Variants in CADPS observed in about 807,000 individuals in gnomAD.
CADPS encodes calcium-dependent secretion activator 1.
In CADPS, 57 loss-of-function variants were observed where a neutral mutation model predicts 167.3. That is an observed-to-expected ratio of 0.34 (90% CI 0.28 to 0.42). The LOEUF (loss-of-function observed/expected upper bound fraction) is 0.42. CADPS is among the 20% of genes least tolerant of loss of function. The pLI, the probability that CADPS is intolerant of heterozygous loss-of-function variation, is 1.00. For missense variants in CADPS, 1,414 were observed against 1,738.1 expected, an observed-to-expected ratio of 0.81 and a Z score of 3.32; for synonymous variants, 676 against 635.3, an observed-to-expected ratio of 1.06 and a Z score of -0.96.
intron 3 of CADPS, among the ~76,000 whole-genome samples, chr3:62,687,767 G>T (rs1044360149): frequency 8.9e-6 from 1 of 112,348 alleles, no homozygotes; most frequent in Non-Finnish European, 1.8e-5. Flanking sequence ...CTATCTTAAC[G>T]CTTGCTTCTA....
chr3:62,692,340 C>G (rs987744339), intron 3 of CADPS, among the ~76,000 whole-genome samples: 1 of 151,410 alleles, frequency 6.6e-6, no homozygotes, highest in Admixed American at 6.6e-5. Context: ...TGAAAGGAAC[C>G]ATTTAGTCCA....
chr3:62,599,620 AT>A (rs1343064327), intron 6 of CADPS, among the ~76,000 whole-genome samples: 2 of 47,492 alleles, frequency 4.2e-5, no homozygotes, highest in African/African-American at 7.7e-5. Flanking sequence ...ATTATATATA[AT>A]ATATAATATA....
intron 1 of CADPS, among the ~76,000 whole-genome samples, chr3:62,873,999 G>A (rs1417909448): frequency 6.6e-6 from 1 of 152,200 alleles, no homozygotes; most frequent in East Asian, 1.9e-4. Flanking sequence ...GGGAGAGGAG[G>A]GTGCCCTTCG....
At chr3:62,793,727 A>T (rs2093150333) in intron 1 of CADPS, among the ~76,000 whole-genome samples, 1 of 152,132 alleles carries the variant, frequency 6.6e-6, no homozygotes, top group South Asian at 2.1e-4. Flanking sequence ...AATTGAAACC[A>T]TCCTGAGCAT....
At chr3:62,522,331 G>A (rs1453949573) in intron 13 of CADPS, among the ~76,000 whole-genome samples, 1 of 152,052 alleles carries the variant, frequency 6.6e-6, no homozygotes, top group Non-Finnish European at 1.5e-5. Context: ...CAGACACAAG[G>A]TCTCATTATG....
At chr3:62,417,248 T>G (rs2050242560) in intron 28 of CADPS, among the ~76,000 whole-genome samples, 1 of 151,308 alleles carries the variant, frequency 6.6e-6, no homozygotes, top group African/African-American at 2.4e-5. Context: ...CCAAATGTAC[T>G]TAACACAATA....
intron 29 of CADPS, 22 bp downstream of exon 29, chr3:62,403,059 G>C (rs373772570): frequency 6.9e-7 from 1 of 1,440,308 alleles, no homozygotes; most frequent in African/African-American, 1.4e-5. Flanking sequence ...TTGCAAAGAA[G>C]AATAATAATC....
chr3:62,865,654 ATTTTC>A (rs1022614658), intron 1 of CADPS, among the ~76,000 whole-genome samples: 1 of 152,122 alleles, frequency 6.6e-6, no homozygotes, highest in Admixed American at 6.6e-5. Flanking sequence ...AGCAAAAATA[ATTTTC>A]TTTGACTAGT....
chr3:62,714,587 A>T (rs2084051641), intron 3 of CADPS, among the ~76,000 whole-genome samples: 1 of 152,208 alleles, frequency 6.6e-6, no homozygotes, highest in South Asian at 2.1e-4. Flanking sequence ...GCCTGCCTGC[A>T]AAGTATCAGG....
intron 18 of CADPS, among the ~76,000 whole-genome samples, chr3:62,496,674 G>C (rs1416589312): frequency 1.3e-5 from 2 of 152,190 alleles, no homozygotes. Flanking sequence ...CAGGATGAGA[G>C]AAGTTATACT....
At chr3:62,869,734 C>T (rs2082290529) in intron 1 of CADPS, among the ~76,000 whole-genome samples, 1 of 152,174 alleles carries the variant, frequency 6.6e-6, no homozygotes, top group Non-Finnish European at 1.5e-5. Context: ...CCAATTTCTT[C>T]TGCCATCAAG....
At chr3:62,863,229 T>A (rs2081122937) in intron 1 of CADPS, among the ~76,000 whole-genome samples, 1 of 152,290 alleles carries the variant, frequency 6.6e-6, no homozygotes, top group Non-Finnish European at 1.5e-5. Context: ...CATGGTTAAG[T>A]GTGAAGGCTG....
chr3:62,855,203 C>T (rs769279247), intron 1 of CADPS, among the ~76,000 whole-genome samples: 2 of 151,146 alleles, frequency 1.3e-5, no homozygotes, highest in Non-Finnish European at 2.9e-5. Context: ...CTTCGGCCTC[C>T]CAAAGTGCTG....
intron 9 of CADPS, among the ~76,000 whole-genome samples, chr3:62,559,668 A>G (rs188802734): frequency 6.6e-6 from 1 of 151,816 alleles, no homozygotes; most frequent in African/African-American, 2.4e-5. Flanking sequence ...CTAATTTTGT[A>G]TTTTTAGTAG....
intron 8 of CADPS, among the ~76,000 whole-genome samples, chr3:62,574,002 T>C (rs1482681681): frequency 1.3e-5 from 2 of 152,242 alleles, no homozygotes; most frequent in Admixed American, 1.3e-4. Context: ...TAAAGATTTC[T>C]GATGAGATTT....
intron 1 of CADPS, among the ~76,000 whole-genome samples, chr3:62,773,556 A>G (rs1337796325): frequency 3.3e-5 from 5 of 152,164 alleles, no homozygotes; most frequent in Admixed American, 6.5e-5. Flanking sequence ...TAATAATTCA[A>G]TTATTTAAGT....
intron 28 of CADPS, among the ~76,000 whole-genome samples, chr3:62,431,580 A>C (rs2053959988): frequency 6.6e-6 from 1 of 151,582 alleles, no homozygotes; most frequent in African/African-American, 2.4e-5. Flanking sequence ...AGATAGTAAT[A>C]AACTCCTCCA....
intron 1 of CADPS, among the ~76,000 whole-genome samples, chr3:62,776,236 A>G (rs1303989954): frequency 2.0e-5 from 3 of 152,206 alleles, no homozygotes; most frequent in Non-Finnish European, 2.9e-5. Flanking sequence ...GCATGAGAAT[A>G]TAATAGGCAG....
chr3:62,701,972 C>G (rs1221788233), intron 3 of CADPS, among the ~76,000 whole-genome samples: 1 of 152,122 alleles, frequency 6.6e-6, no homozygotes, highest in Non-Finnish European at 1.5e-5. Context: ...GGTAGCTACT[C>G]TATGTTCAGC....
Sources: gnomAD v4.1 joint callset for allele counts (sites outside exome capture counted in the v4.1 genomes callset) on GRCh38, gnomAD v4.1.1 for gene constraint, MANE v1.5 for transcripts, NCBI Gene and HGNC (gene_info 2026-07-23, HGNC 2026-07-21) for gene names.